The following ROBO1 variants were observed in gnomAD, a reference collection of about 807,000 sequenced individuals.
ROBO1 encodes the protein roundabout guidance receptor 1.
Under a neutral mutation model 195.9 loss-of-function variants are expected in ROBO1, and 149 were observed. That is an observed-to-expected ratio of 0.76 (90% CI 0.67 to 0.87). The LOEUF is 0.87. Ranked by LOEUF, ROBO1 falls within the 40% of genes least tolerant of loss-of-function variation. ROBO1 has a pLI of 0.00. For missense variants in ROBO1, 1,933 were observed against 2,068.3 expected, an observed-to-expected ratio of 0.93 and a Z score of 1.27; for synonymous variants, 816 against 733.2, an observed-to-expected ratio of 1.11 and a Z score of -1.82.
intron 3 of ROBO1, among the ~76,000 whole-genome samples, chr3:79,064,732 C>G (rs539796203): frequency 6.6e-6 from 1 of 151,950 alleles, no homozygotes; most frequent in East Asian, 2.0e-4. Context: ...CCATCTCATT[C>G]TGAATAACCC....
intron 2 of ROBO1, among the ~76,000 whole-genome samples, chr3:79,158,291 T>C (rs368824076): frequency 1.3e-5 from 2 of 151,214 alleles, no homozygotes; most frequent in South Asian, 4.2e-4. Flanking sequence ...AATATATTCA[T>C]TTATATATTA....
intron 2 of ROBO1, among the ~76,000 whole-genome samples, chr3:79,254,287 G>A (rs1392815853): frequency 6.6e-6 from 1 of 152,004 alleles, no homozygotes; most frequent in African/African-American, 2.4e-5. Flanking sequence ...AGCTCTACCT[G>A]CTGTTTTGCA....
intron 3 of ROBO1, chr3:79,019,557 C>T: frequency 1.0e-6 from 1 of 985,760 alleles, no homozygotes; most frequent in Non-Finnish European, 1.2e-6. Context: ...CCTTTCCATG[C>T]TTCACTCTAT....
chr3:79,372,845 T>A (rs1387342602), intron 2 of ROBO1, among the ~76,000 whole-genome samples: 1 of 152,198 alleles, frequency 6.6e-6, no homozygotes, highest in Non-Finnish European at 1.5e-5. Flanking sequence ...AAGCATTGTA[T>A]ACTAAAATAT....
chr3:79,597,128 CGT>C (rs10597144), intron 1 of ROBO1, among the ~76,000 whole-genome samples: 30,878 of 148,992 alleles, frequency 0.21, 3,349 homozygotes, highest in African/African-American at 0.28. Flanking sequence ...TGTGCATGCA[CGT>C]GTGTGTGTGT....
intron 3 of ROBO1, among the ~76,000 whole-genome samples, chr3:79,021,575 A>G (rs1167972483): frequency 6.6e-6 from 1 of 151,828 alleles, no homozygotes; most frequent in African/African-American, 2.4e-5. Context: ...ATTGAATGCA[A>G]ACCATATTAA....
intron 2 of ROBO1, 69 bp from the exon 3 acceptor site, chr3:79,125,608 G>T: frequency 8.7e-7 from 1 of 1,148,082 alleles, no homozygotes; most frequent in Non-Finnish European, 1.3e-6. Flanking sequence ...TTCGATCACA[G>T]CATGTCCAGA....
chr3:79,468,977 T>C (rs1022272960), intron 2 of ROBO1, among the ~76,000 whole-genome samples: 27 of 152,182 alleles, frequency 1.8e-4, no homozygotes, highest in African/African-American at 6.5e-4. Flanking sequence ...AGATTATGCA[T>C]GCAAATTTCA....
intron 3 of ROBO1, among the ~76,000 whole-genome samples, chr3:79,117,826 A>C (rs753589033): frequency 4.6e-5 from 7 of 152,218 alleles, no homozygotes; most frequent in Non-Finnish European, 8.8e-5. Context: ...AGTGAAAAAA[A>C]TATTTACAGG....
intron 1 of ROBO1, among the ~76,000 whole-genome samples, chr3:79,697,768 T>C (rs1031028148): frequency 6.6e-6 from 1 of 151,416 alleles, no homozygotes; most frequent in Non-Finnish European, 1.5e-5. Flanking sequence ...TACTACTTAG[T>C]AATAAGCATA....
chr3:79,719,847 A>G (rs9810901), intron 1 of ROBO1, among the ~76,000 whole-genome samples: 5,540 of 152,250 alleles, frequency 0.036, 350 homozygotes, highest in African/African-American at 0.13. Context: ...TGAGCTTTTC[A>G]AATATTTATC....
intron 3 of ROBO1, among the ~76,000 whole-genome samples, chr3:79,044,934 C>A (rs1274689569): frequency 6.6e-6 from 1 of 151,838 alleles, no homozygotes; most frequent in African/African-American, 2.4e-5. Context: ...ATACTCAAAG[C>A]ATTGTATTAA....
At chr3:79,433,993 T>C (rs1044669487) in intron 2 of ROBO1, among the ~76,000 whole-genome samples, 1 of 152,182 alleles carries the variant, frequency 6.6e-6, no homozygotes, top group Non-Finnish European at 1.5e-5. Flanking sequence ...TAAATCGTGC[T>C]GGGAAAACTG....
At chr3:79,400,003 A>G (rs2037304438) in intron 2 of ROBO1, among the ~76,000 whole-genome samples, 1 of 152,166 alleles carries the variant, frequency 6.6e-6, no homozygotes, top group Admixed American at 6.6e-5. Context: ...TATTGGGTGC[A>G]CATTTACCTC....
chr3:79,107,836 A>T (rs1365843708), intron 3 of ROBO1, among the ~76,000 whole-genome samples: 1 of 151,708 alleles, frequency 6.6e-6, no homozygotes, highest in Non-Finnish European at 1.5e-5. Context: ...ATCACTTGGA[A>T]CACTGAAATA....
intron 2 of ROBO1, among the ~76,000 whole-genome samples, chr3:79,274,122 A>T (rs1031934257): frequency 7.9e-5 from 12 of 152,068 alleles, no homozygotes; most frequent in Non-Finnish European, 1.0e-4. Flanking sequence ...CAGAATGGCA[A>T]CAAAGAAATA....
chr3:79,375,538 G>A (rs938439348), intron 2 of ROBO1, among the ~76,000 whole-genome samples: 4 of 152,162 alleles, frequency 2.6e-5, no homozygotes, highest in African/African-American at 9.7e-5. Context: ...TGGCCCTGAA[G>A]ATAATTACAT....
chr3:78,942,988 G>A (rs1329736123), intron 3 of ROBO1, among the ~76,000 whole-genome samples: 1 of 152,042 alleles, frequency 6.6e-6, no homozygotes, highest in East Asian at 1.9e-4. Context: ...GCCAAGGCGG[G>A]CAGATCACCA....
intron 3 of ROBO1, among the ~76,000 whole-genome samples, chr3:79,124,593 A>G (rs1338066129): frequency 2.6e-5 from 4 of 152,148 alleles, no homozygotes; most frequent in Admixed American, 2.6e-4. Context: ...CACACAACCT[A>G]TCCACACAGC....
Sources: gnomAD v4.1 joint callset for allele counts (sites outside exome capture counted in the v4.1 genomes callset) on GRCh38, gnomAD v4.1.1 for gene constraint, MANE v1.5 for transcripts, NCBI Gene and HGNC (gene_info 2026-07-23, HGNC 2026-07-21) for gene names.